APPL1: variants seen among roughly 807,000 people sequenced by gnomAD.
The protein encoded by APPL1 is DCC-interacting protein 13-alpha.
In APPL1, 42 loss-of-function variants were observed where a neutral mutation model predicts 106.8. The observed-to-expected ratio is 0.39, with a 90% CI of 0.31 to 0.51. APPL1 has a LOEUF of 0.51. APPL1 is among the 20% of genes least tolerant of loss of function. APPL1 has a pLI of 0.75. For synonymous variants in APPL1, 263 were observed against 281.8 expected, an observed-to-expected ratio of 0.93 and a Z score of 0.67; for missense variants, 769 against 858.2, an observed-to-expected ratio of 0.90 and a Z score of 1.30.
chr3:57,257,422 G>A lies in APPL1; in HGVS notation c.1424G>A (p.Gly475Glu). Residue 475 changes from glycine (G) to glutamate (E), a missense_variant, in exon 15 of 22, where the codon GGA becomes GAA. Transcript: ENST00000288266. ...QPGQAKAFGQ[G>E]GRRTNPFGES... Reference sequence around the variant, plus strand: ...GGCCAGGCAAAAGCCTTTGGCCAGGGAGGCAGGTGGGTGATAGCATCACAG... The same window carrying A: ...GGCCAGGCAAAAGCCTTTGGCCAGGAAGGCAGGTGGGTGATAGCATCACAG... 1.2e-6 allele frequency: 2 copies of A among 1,610,980 alleles called. No homozygotes were observed. Among genetic ancestry groups the A allele is most frequent in the Non-Finnish European group, 1.7e-6 (2 of 1,178,338 alleles).
At chr3:57,250,350 G>A (rs578110681) in intron 11 of APPL1, among the ~76,000 whole-genome samples, 18 of 152,238 alleles carry the variant, frequency 1.2e-4, no homozygotes, top group Middle Eastern at 3.4e-3. Flanking sequence ...ATGTTGCCCA[G>A]GCTGGTCTCG....
At chr3:57,252,452 T>A in intron 12 of APPL1, 141 bp downstream of exon 12, 1 of 621,926 alleles carries the variant, frequency 1.6e-6, no homozygotes, top group Non-Finnish European at 2.7e-6. Flanking sequence ...TTTGTTTTTG[T>A]AAAAGTCTAT....
Position 57,256,967 on chromosome 3 carries a change from C to A in APPL1, c.1163C>A (p.Ala388Glu). ...YLSENPEETAARVNQSALEAV... is the reference protein window; with the variant it reads ...YLSENPEETAERVNQSALEAV... Reference sequence around the variant, plus strand: ...AAAAAATTGAAATAGGAAACTGCTGCACGAGTAAATCAATCAGCTCTGGAA... The same window carrying A: ...AAAAAATTGAAATAGGAAACTGCTGAACGAGTAAATCAATCAGCTCTGGAA... The change falls in exon 14 of 22, where the codon GCA becomes GAA. Residue 388 changes from alanine to glutamate, a missense_variant. Physicochemically the swap from Ala to Glu is moderately radical, Grantham distance 107 (BLOSUM62 -1). Coordinates refer to ENST00000288266, the MANE Select transcript of APPL1 (RefSeq NM_012096.3). The A allele has an allele frequency of 6.2e-7, 1 of 1,614,032 alleles. No homozygotes were observed. Among genetic ancestry groups the A allele is most frequent in the Non-Finnish European group, 8.5e-7 (1 of 1,179,940 alleles).
rs768941152 is a variant in APPL1 at position 57,268,437 on chromosome 3, G to C, written c.1933G>C (p.Val645Leu). ...AGAAAAACAAAAAGAAATAGAGAGA[G>C]TAAAAGAGAAGCAACAGAAAGAACT... Reference protein sequence around the residue: ...ASEKQKEIERVKEKQQKELNK... With the variant: ...ASEKQKEIERLKEKQQKELNK... Residue 645 changes from valine (V) to leucine (L), a missense_variant, in exon 21 of 22, where the codon GTA (valine) becomes CTA (leucine). By Grantham distance (32) the Val-to-Leu change is conservative (BLOSUM62 1). Coordinates refer to ENST00000288266, the MANE Select transcript of APPL1 (RefSeq NM_012096.3). 1.7e-5 allele frequency: 27 copies of C among 1,602,144 alleles called. No individual in the cohort carries two copies. The highest frequency in any genetic ancestry group is 2.2e-5 in the Non-Finnish European group (26 of 1,173,388).
At position 57,249,555 on chromosome 3, in the gene APPL1, AT is replaced by A. The variant is rs764894126; in HGVS notation, c.1052+15del. On this transcript the variant is annotated splice_region_variant and intron_variant, in intron 11 of 21. Coordinates refer to ENST00000288266, the MANE Select transcript of APPL1 (RefSeq NM_012096.3). ...CCTCTTTCGATGGAAAAAAGTTAGTATTTTTTTTCTACTACTACTAATCTAT... is the reference window on the plus strand; with the variant it reads ...CCTCTTTCGATGGAAAAAAGTTAGTATTTTTTTCTACTACTACTAATCTAT... The A allele has an allele frequency of 3.0e-5, 46 of 1,547,102 alleles. No homozygotes were observed. Among genetic ancestry groups the A allele is most frequent in the South Asian group, 5.0e-5 (4 of 79,568 alleles).
At chr3:57,232,339 TG>T (rs780720797) in intron 1 of APPL1, among the ~76,000 whole-genome samples, 29 of 152,326 alleles carry the variant, frequency 1.9e-4, no homozygotes, top group Non-Finnish European at 3.4e-4. Context: ...TTAGAGTTGA[TG>T]GTATATTAAC....
At chr3:57,232,419 T>A (rs773655755) in intron 1 of APPL1, among the ~76,000 whole-genome samples, 5 of 152,194 alleles carry the variant, frequency 3.3e-5, no homozygotes, top group Admixed American at 6.5e-5. Flanking sequence ...ACTTGGTTGT[T>A]TCTCCTAGTA....
In APPL1 at chr3:57,273,399, G is replaced by C. The variant is rs1236797157; in HGVS notation, c.*3712G>C. On this transcript the variant is annotated 3_prime_UTR_variant, in exon 22 of 22. Coordinates refer to ENST00000288266, the MANE Select transcript of APPL1 (RefSeq NM_012096.3). The stretch of plus-strand genomic sequence containing the variant: ...ATAGGTATATACTGACAAGGCTTCA[G>C]GAAAAAAGTTGTTAGAAGATTTTTT... 1 of 152,446 alleles carries C rather than the reference G, an allele frequency of 6.6e-6. No homozygotes were observed. The highest frequency in any genetic ancestry group is 1.5e-5 in the Non-Finnish European group (1 of 67,986). The allele number at this position is 152,446 out of a possible 1,614,324, so 9.4% of individuals were successfully genotyped here.
chr3:57,246,251 AC>A, intron 8 of APPL1, 29 bp downstream of exon 8: 1 of 1,480,172 alleles, frequency 6.8e-7, no homozygotes. Flanking sequence ...TTGGATTATA[AC>A]TGTCCTAAAA....
At chr3:57,250,063 A>T (rs2107603856) in intron 11 of APPL1, among the ~76,000 whole-genome samples, 1 of 152,346 alleles carries the variant, frequency 6.6e-6, no homozygotes, top group African/African-American at 2.4e-5. Context: ...TGCTAACAAT[A>T]GTGTTATTTT....
At chr3:57,269,184 A>G (rs1259974827) in intron 21 of APPL1, 2 of 166,242 alleles carry the variant, frequency 1.2e-5, no homozygotes, top group Non-Finnish European at 2.6e-5. Flanking sequence ...TTGGACAGGG[A>G]TGGAGAAAAG....
At chr3:57,247,611 T>G in intron 9 of APPL1, 134 bp downstream of exon 9, 1 of 611,874 alleles carries the variant, frequency 1.6e-6, no homozygotes. Context: ...CTTATGTGGT[T>G]CATGGTTACT....
At chr3:57,257,156 T>A in intron 14 of APPL1, 90 bp from the exon 15 acceptor site, 2 of 1,553,516 alleles carry the variant, frequency 1.3e-6, no homozygotes, top group South Asian at 1.2e-5. Context: ...CATTGACTTA[T>A]AATATTGTGT....
Position 57,270,383 on chromosome 3 carries a change from T to C in APPL1, c.*696T>C, listed in dbSNP as rs902035523. 1.3e-5 allele frequency: 2 copies of C among 152,650 alleles called. No homozygotes were observed. The highest frequency in any genetic ancestry group is 2.9e-5 in the Non-Finnish European group (2 of 68,032). The allele number at this position is 152,650 out of a possible 1,614,324, so 9.5% of individuals were successfully genotyped here. A position where few individuals can be genotyped will look rare whatever the true frequency, so the allele number is the denominator to read the frequency against. On this transcript the variant is annotated 3_prime_UTR_variant, in exon 22 of 22. Coordinates refer to ENST00000288266, the MANE Select transcript of APPL1 (RefSeq NM_012096.3). ...CCTTGGCATTTTATTATCACATTCT[T>C]AGTTCTCAGGTTGGGACTTCAATTA...
Position 57,227,813 on chromosome 3 carries a change from C to A in APPL1, c.-71C>A. On this transcript the variant is annotated 5_prime_UTR_variant, in exon 1 of 22. Coordinates refer to ENST00000288266, the MANE Select transcript of APPL1 (RefSeq NM_012096.3). ...GGAGAGGGCGGGCCGGGGTCAGCTGCGGCGGGCGGGCCGGCGCGGGGAGCT... is the reference window on the plus strand; with the variant it reads ...GGAGAGGGCGGGCCGGGGTCAGCTGAGGCGGGCGGGCCGGCGCGGGGAGCT... 1 of 1,325,484 alleles carries A rather than the reference C, an allele frequency of 7.5e-7. No individual in the cohort carries two copies. The highest frequency in any genetic ancestry group is 1.5e-5 in the African/African-American group (1 of 65,386). The allele number at this position is 1,325,484 out of a possible 1,614,324, so 82.1% of individuals were successfully genotyped here.
In APPL1 at chr3:57,272,793, G is replaced by A. The variant is rs1398102189; in HGVS notation, c.*3106G>A. ...TTTTTGTATTTTTAGTAGAGACGGG[G>A]TTTCACCGTGTTAGCCAGGATGTTC... On this transcript the variant is annotated 3_prime_UTR_variant, in exon 22 of 22. Coordinates refer to ENST00000288266, the MANE Select transcript of APPL1 (RefSeq NM_012096.3). 6.6e-6 allele frequency: 1 copy of A among 152,106 alleles called. No individual in the cohort carries two copies. The highest frequency in any genetic ancestry group is 1.9e-4 in the East Asian group (1 of 5,184). 9.4% of individuals were successfully genotyped at this position (152,106 alleles called of 1,614,324 possible).
At chr3:57,262,511 G>GC (rs34539976) in intron 19 of APPL1, among the ~76,000 whole-genome samples, 100,130 of 149,414 alleles carry the variant, frequency 0.67, 33,806 homozygotes, top group East Asian at 0.85. Context: ...TCCTGCCTCA[G>GC]CTCCCAAGTA....
chr3:57,250,768 A>G (rs2060799154), intron 11 of APPL1, among the ~76,000 whole-genome samples: 1 of 150,672 alleles, frequency 6.6e-6, no homozygotes, highest in Non-Finnish European at 1.5e-5. Flanking sequence ...CCCCCCACTC[A>G]ATTAAAATAC....
intron 1 of APPL1, among the ~76,000 whole-genome samples, chr3:57,232,285 T>C (rs755056967): frequency 6.6e-6 from 1 of 152,224 alleles, no homozygotes; most frequent in Admixed American, 6.5e-5. Flanking sequence ...TCATGAGATG[T>C]GCCTTTCCTC....
Sources: gnomAD v4.1 joint callset for allele counts (sites outside exome capture counted in the v4.1 genomes callset) on GRCh38, gnomAD v4.1.1 for gene constraint, MANE v1.5 for transcripts, NCBI Gene and HGNC (gene_info 2026-07-23, HGNC 2026-07-21) for gene names.